FBLN5: variants seen among roughly 807,000 people sequenced by gnomAD.
FBLN5 encodes fibulin 5, also known as fibulin-5.
In FBLN5, 24 loss-of-function variants were observed where a neutral mutation model predicts 61.6. That is an observed-to-expected ratio of 0.39 (90% CI 0.28 to 0.55). The LOEUF is 0.55. FBLN5 is among the 20% of genes least tolerant of loss of function. FBLN5 has a pLI of 0.65. For synonymous variants in FBLN5, 213 were observed against 219.8 expected, an observed-to-expected ratio of 0.97 and a Z score of 0.27; for missense variants, 470 against 594.1, an observed-to-expected ratio of 0.79 and a Z score of 2.17.
At chr14:91,884,824 C>CA (rs561874350) in intron 7 of FBLN5, among the ~76,000 whole-genome samples, 30 of 152,360 alleles carry the variant, frequency 2.0e-4, no homozygotes, top group African/African-American at 7.2e-4. Context: ...GGGGCTGTAA[C>CA]AGACCCTACT....
chr14:91,899,179 T>C (rs929197118), intron 4 of FBLN5, among the ~76,000 whole-genome samples: 1 of 151,996 alleles, frequency 6.6e-6, no homozygotes, highest in Non-Finnish European at 1.5e-5. Flanking sequence ...CCAGCCTCCA[T>C]GACCTTTGGA....
chr14:91,937,317 G>A lies in FBLN5; in HGVS notation c.125-116C>T, dbSNP rs949605042. 8.2e-5 allele frequency: 109 copies of A among 1,332,420 alleles called. No individual in the cohort carries two copies. The Middle Eastern group carries it at 1.4e-3, about 17-fold the overall frequency. 82.5% of individuals were successfully genotyped at this position (1,332,420 alleles called of 1,614,324 possible). ...GGAAGCACTCCCAAACACCTAGGGT[G>A]GTCCCAACTCATCGCGGTAAGGTAC... On this transcript the variant is annotated intron_variant, in intron 3 of 10. Coordinates refer to ENST00000342058, the MANE Select transcript of FBLN5 (RefSeq NM_006329.4).
At chr14:91,907,335 A>G (rs1478755346) in intron 4 of FBLN5, among the ~76,000 whole-genome samples, 1 of 152,132 alleles carries the variant, frequency 6.6e-6, no homozygotes, top group East Asian at 1.9e-4. Flanking sequence ...GAGCCTCCCT[A>G]CCAGCCCGAA....
chr14:91,884,419 G>C (rs545144374), intron 7 of FBLN5, among the ~76,000 whole-genome samples: 1 of 152,282 alleles, frequency 6.6e-6, no homozygotes, highest in East Asian at 1.9e-4. Flanking sequence ...CATACTTTCA[G>C]TAGAGTAGTA....
At chr14:91,946,567 A>G (rs774503427) in intron 1 of FBLN5, 94 of 683,406 alleles carry the variant, frequency 1.4e-4, no homozygotes, top group Non-Finnish European at 2.1e-4. Flanking sequence ...ATACGCACAC[A>G]AGGTTAATTT....
At chr14:91,946,127 C>T (rs905966856) in intron 1 of FBLN5, among the ~76,000 whole-genome samples, 4 of 151,932 alleles carry the variant, frequency 2.6e-5, no homozygotes, top group Admixed American at 2.6e-4. Flanking sequence ...TAGAGGCAGC[C>T]CTGGGACAGG....
At chr14:91,881,188 C>G (rs1200658697) in intron 9 of FBLN5, 104 bp downstream of exon 9, 75 of 1,286,752 alleles carry the variant, frequency 5.8e-5, no homozygotes, top group Non-Finnish European at 8.2e-5. Flanking sequence ...TAGGCCAGGT[C>G]CCCTCACTTC....
intron 2 of FBLN5, 85 bp from the exon 3 acceptor site, chr14:91,940,701 T>A: frequency 8.2e-7 from 1 of 1,223,128 alleles, no homozygotes; most frequent in Admixed American, 1.8e-5. Flanking sequence ...GTTGGGGAAA[T>A]GGAGCAAAAA....
chr14:91,935,374 C>T (rs1353965198), intron 4 of FBLN5, among the ~76,000 whole-genome samples: 1 of 152,242 alleles, frequency 6.6e-6, no homozygotes, highest in Admixed American at 6.5e-5. Context: ...ACCACGACCA[C>T]CCAAGGCCCC....
chr14:91,894,841 C>G, intron 5 of FBLN5, 109 bp downstream of exon 5: 26 of 563,050 alleles, frequency 4.6e-5, no homozygotes, highest in East Asian at 1.9e-4. Flanking sequence ...CCCTCCCTAG[C>G]AAAGAAAAGC....
intron 4 of FBLN5, among the ~76,000 whole-genome samples, chr14:91,906,728 T>C (rs1465377706): frequency 1.3e-5 from 2 of 152,180 alleles, no homozygotes; most frequent in Non-Finnish European, 2.9e-5. Context: ...GGGAGCTACA[T>C]GTGGGGCCAA....
At chr14:91,936,835 T>C in intron 4 of FBLN5, 112 bp downstream of exon 4, 2 of 1,253,114 alleles carry the variant, frequency 1.6e-6, no homozygotes, top group South Asian at 2.4e-5. Flanking sequence ...AAGTCATTGT[T>C]TCACTGGTGC....
chr14:91,881,656 A>C (rs1194049028), intron 8 of FBLN5, among the ~76,000 whole-genome samples: 1 of 152,194 alleles, frequency 6.6e-6, no homozygotes, highest in African/African-American at 2.4e-5. Flanking sequence ...AGCCAGGCAC[A>C]GTGGCTTACG....
chr14:91,906,850 A>T (rs76103363), intron 4 of FBLN5, among the ~76,000 whole-genome samples: 2,451 of 152,318 alleles, frequency 0.016, 75 homozygotes, highest in African/African-American at 0.056. Flanking sequence ...ATGCTATACC[A>T]GTGCGGCAAC....
In FBLN5 at chr14:91,947,329, G is replaced by A; in HGVS notation, c.-100C>T. 1 of 1,399,460 alleles carries A rather than the reference G, an allele frequency of 7.1e-7. No homozygotes were observed. Among genetic ancestry groups the A allele is most frequent in the South Asian group, 1.2e-5 (1 of 85,624 alleles). 86.7% of individuals were successfully genotyped at this position (1,399,460 alleles called of 1,614,324 possible). The stretch of plus-strand genomic sequence containing the variant: ...ACGTCGGCCTCCTCTGGGCCCTCGG[G>A]GCTCGCGGGTGTTTTATTCCAGAGG... On this transcript the variant is annotated 5_prime_UTR_variant, in exon 1 of 11. Transcript: ENST00000342058. The surrounding 1 kb of genome is among the most constrained non-coding windows in gnomAD (Gnocchi z 4.3).
intron 7 of FBLN5, among the ~76,000 whole-genome samples, chr14:91,884,455 C>T (rs1489784289): frequency 1.3e-5 from 2 of 152,224 alleles, no homozygotes; most frequent in Non-Finnish European, 2.9e-5. Context: ...TCCTGAGGCT[C>T]CCTATATGCC....
Position 91,870,266 on chromosome 14 carries a change from G to A in FBLN5, c.1305C>T (p.Ser435=), listed in dbSNP as rs771189663. ...ACACATATATCCGCAGTCGGATCAC[G>A]GAGCTGCCTCTGAAGTTGATGACAG... ...VNTVINFRGS[S]VIRLRIYVSQ... The change falls in exon 11 of 11, where the codon TCC becomes TCT. Residue 435 remains serine (S), a synonymous_variant. Coordinates refer to ENST00000342058, the MANE Select transcript of FBLN5 (RefSeq NM_006329.4). 10 of 1,614,082 alleles carry A rather than the reference G, an allele frequency of 6.2e-6. No individual in the cohort carries two copies. The highest frequency in any genetic ancestry group is 1.6e-4 in the Middle Eastern group (1 of 6,084).
intron 4 of FBLN5, among the ~76,000 whole-genome samples, chr14:91,903,500 CAT>C (rs1890546688): frequency 6.6e-6 from 1 of 152,202 alleles, no homozygotes; most frequent in Non-Finnish European, 1.5e-5. Context: ...TACTCATGAA[CAT>C]AGTTTCTACA....
At chr14:91,913,557 C>T (rs1595329214) in intron 4 of FBLN5, among the ~76,000 whole-genome samples, 1 of 152,214 alleles carries the variant, frequency 6.6e-6, no homozygotes, top group South Asian at 2.1e-4. Flanking sequence ...TTTTGAGGGG[C>T]CATTATATTT....
Sources: allele counts gnomAD v4.1 joint callset (sites outside exome capture counted in the v4.1 genomes callset), GRCh38; gene constraint gnomAD v4.1.1; non-coding constraint Gnocchi (gnomAD v3.1); transcripts MANE v1.5; gene names NCBI Gene and HGNC (gene_info 2026-07-23, HGNC 2026-07-21).